Variants in TENM3 observed in about 807,000 individuals in gnomAD.
The protein encoded by TENM3 is teneurin transmembrane protein 3.
A neutral mutation model predicts 255.1 loss-of-function variants in TENM3; 63 were observed. The observed-to-expected ratio is 0.25, with a 90% CI of 0.20 to 0.30. The LOEUF (loss-of-function observed/expected upper bound fraction) is 0.30, where lower values mean the gene tolerates loss of function less well. Among genes scored for constraint, TENM3 ranks in the 10% least tolerant of loss-of-function variants. The pLI, the probability that TENM3 is intolerant of heterozygous loss-of-function variation, is 1.00. For missense variants in TENM3, 2,929 were observed against 3,461.1 expected, an observed-to-expected ratio of 0.85 and a Z score of 3.86; for synonymous variants, 1,306 against 1,322.3, an observed-to-expected ratio of 0.99 and a Z score of 0.27.
chr4:181,786,925 A>T, the TENM3 span, among the ~76,000 whole-genome samples: 1 of 152,166 alleles, frequency 6.6e-6, no homozygotes, highest in Non-Finnish European at 1.5e-5. Context: ...GCACACGGGG[A>T]TAACTCTCCT....
the TENM3 span, among the ~76,000 whole-genome samples, chr4:181,790,800 A>G: frequency 6.6e-6 from 1 of 152,312 alleles, no homozygotes; most frequent in Non-Finnish European, 1.5e-5. Context: ...GAGGAAATGG[A>G]GGCCATCTTT....
chr4:181,518,989 T>G, the TENM3 span, among the ~76,000 whole-genome samples: 1 of 152,156 alleles, frequency 6.6e-6, no homozygotes, highest in African/African-American at 2.4e-5. Context: ...GCAGGGAGAT[T>G]AATAAAAGAG....
At chr4:182,173,876 A>G (rs183267554) in intron 1 of TENM3, among the ~76,000 whole-genome samples, 1 of 152,272 alleles carries the variant, frequency 6.6e-6, no homozygotes, top group East Asian at 1.9e-4. Context: ...TCTTGTATGT[A>G]AGTTCTCTAT....
At chr4:181,821,418 A>G in the TENM3 span, 1 of 151,830 alleles carries the variant, frequency 6.6e-6, no homozygotes, top group Non-Finnish European at 1.5e-5. Context: ...CAATAATGAG[A>G]CTCCTTGAAG....
chr4:181,999,029 G>A, the TENM3 span, among the ~76,000 whole-genome samples: 1 of 152,158 alleles, frequency 6.6e-6, no homozygotes, highest in Non-Finnish European at 1.5e-5. Flanking sequence ...CTCTTGGCTG[G>A]TGGTTGAGTG....
chr4:182,246,009 C>T (rs1327058665), intron 1 of TENM3, among the ~76,000 whole-genome samples: 2 of 152,154 alleles, frequency 1.3e-5, no homozygotes, highest in Non-Finnish European at 2.9e-5. Flanking sequence ...TTTCTGGTAG[C>T]ACTCCCTGGC....
At chr4:182,287,279 G>A (rs1295101086) in intron 1 of TENM3, among the ~76,000 whole-genome samples, 1 of 152,074 alleles carries the variant, frequency 6.6e-6, no homozygotes, top group Non-Finnish European at 1.5e-5. Context: ...GTGTGATCTG[G>A]CCCCTGCCTG....
chr4:181,594,137 A>ATTT, the TENM3 span, among the ~76,000 whole-genome samples: 1 of 152,186 alleles, frequency 6.6e-6, no homozygotes, highest in African/African-American at 2.4e-5. Context: ...CTAGACTGAG[A>ATTT]AAACATGTAA....
chr4:182,417,140 A>ATT (rs777171102), intron 3 of TENM3, among the ~76,000 whole-genome samples: 1 of 150,390 alleles, frequency 6.6e-6, no homozygotes, highest in African/African-American at 2.4e-5. Context: ...CGCCCAGCTA[A>ATT]TTTTTTTTTG....
At chr4:182,633,671 C>T (rs1258624265) in intron 5 of TENM3, among the ~76,000 whole-genome samples, 1 of 152,226 alleles carries the variant, frequency 6.6e-6, no homozygotes, top group Non-Finnish European at 1.5e-5. Flanking sequence ...GTATGAATTA[C>T]CTCATTTAAT....
At chr4:182,709,197 G>T (rs1758558049) in intron 12 of TENM3, among the ~76,000 whole-genome samples, 1 of 151,788 alleles carries the variant, frequency 6.6e-6, no homozygotes, top group African/African-American at 2.4e-5. Flanking sequence ...TGGCCAGGAT[G>T]GTCTCGAACT....
chr4:182,170,749 GAAATTGC>G (rs1332918548), intron 1 of TENM3, among the ~76,000 whole-genome samples: 1 of 152,082 alleles, frequency 6.6e-6, no homozygotes, highest in East Asian at 1.9e-4. Flanking sequence ...ATTTATAGCA[GAAATTGC>G]AATAATAAAA....
At chr4:181,978,993 T>A in the TENM3 span, among the ~76,000 whole-genome samples, 1 of 148,310 alleles carries the variant, frequency 6.7e-6, no homozygotes, top group Non-Finnish European at 1.5e-5. Flanking sequence ...AAAAAAAAGA[T>A]AGTTATCTGT....
At chr4:182,545,259 G>A (rs566316479) in intron 3 of TENM3, among the ~76,000 whole-genome samples, 4 of 152,116 alleles carry the variant, frequency 2.6e-5, no homozygotes, top group Non-Finnish European at 4.4e-5. Context: ...GTGGAAAGAC[G>A]TCTTTTTTGT....
chr4:182,584,905 G>A (rs1490040139), intron 3 of TENM3, among the ~76,000 whole-genome samples: 2 of 152,028 alleles, frequency 1.3e-5, no homozygotes, highest in East Asian at 3.9e-4. Context: ...GCCTCCCAAA[G>A]TGCAGGGATT....
chr4:182,637,453 G>A (rs965620323), intron 5 of TENM3, among the ~76,000 whole-genome samples: 8 of 152,184 alleles, frequency 5.3e-5, no homozygotes, highest in Admixed American at 2.6e-4. Context: ...GAGCCTCGGA[G>A]TTTGAGGCTG....
chr4:182,516,850 C>T (rs1055562831), intron 3 of TENM3, among the ~76,000 whole-genome samples: 3 of 150,100 alleles, frequency 2.0e-5, no homozygotes, highest in Non-Finnish European at 3.0e-5. Flanking sequence ...GAGATCATGC[C>T]ACTGCACTCC....
At chr4:181,457,488 T>G in the TENM3 span, among the ~76,000 whole-genome samples, 1 of 151,774 alleles carries the variant, frequency 6.6e-6, no homozygotes, top group South Asian at 2.1e-4. Flanking sequence ...TCAGGGGAAG[T>G]TCAAGAGAAT....
the TENM3 span, among the ~76,000 whole-genome samples, chr4:181,468,685 C>A: frequency 6.6e-6 from 1 of 152,222 alleles, no homozygotes; most frequent in African/African-American, 2.4e-5. Flanking sequence ...AGTCTTAGAT[C>A]TGTTTCTCAC....
Sources: allele counts gnomAD v4.1 joint callset (sites outside exome capture counted in the v4.1 genomes callset), GRCh38; gene constraint gnomAD v4.1.1; transcripts MANE v1.5; gene names NCBI Gene and HGNC (gene_info 2026-07-23, HGNC 2026-07-21).